MACROD2: variants seen among roughly 807,000 people sequenced by gnomAD.
The protein encoded by MACROD2 is mono-ADP ribosylhydrolase 2, also known as ADP-ribose glycohydrolase MACROD2.
MACROD2 carries 36 observed loss-of-function variants against 70.4 expected under a neutral mutation model. The observed-to-expected ratio is 0.51, with a 90% confidence interval of 0.39 to 0.68. The LOEUF (loss-of-function observed/expected upper bound fraction) is 0.68. Ranked by LOEUF, MACROD2 falls within the 30% of genes least tolerant of loss-of-function variation. The pLI is 0.00. For missense variants in MACROD2, 496 were observed against 538.4 expected (o/e 0.92, Z 0.78); for synonymous variants, 172 against 178.8 (o/e 0.96, Z 0.30).
At chr20:15,259,819 G>T (rs2077232633) in intron 6 of MACROD2, among the ~76,000 whole-genome samples, 1 of 151,554 alleles carries the variant, frequency 6.6e-6, no homozygotes, top group African/African-American at 2.4e-5. Flanking sequence ...GATATGAAAT[G>T]AAATCTGGGA....
At chr20:15,637,837 A>G (rs2049394711) in intron 8 of MACROD2, among the ~76,000 whole-genome samples, 1 of 152,162 alleles carries the variant, frequency 6.6e-6, no homozygotes, top group Non-Finnish European at 1.5e-5. Context: ...CTCATTCATT[A>G]TTTTTAAGCC....
At chr20:15,826,139 A>G (rs1438617564) in intron 8 of MACROD2, among the ~76,000 whole-genome samples, 1 of 152,230 alleles carries the variant, frequency 6.6e-6, no homozygotes, top group African/African-American at 2.4e-5. Context: ...GAAGTTTTGC[A>G]CAGATATTTG....
intron 8 of MACROD2, among the ~76,000 whole-genome samples, chr20:15,719,026 A>AT (rs1006255816): frequency 6.6e-6 from 1 of 152,018 alleles, no homozygotes; most frequent in African/African-American, 2.4e-5. Context: ...AACTGGCCTG[A>AT]TTTTTTTTCA....
intron 4 of MACROD2, among the ~76,000 whole-genome samples, chr20:14,520,488 T>C (rs1440530463): frequency 7.8e-6 from 1 of 128,446 alleles, no homozygotes; most frequent in Non-Finnish European, 1.6e-5. Flanking sequence ...TTTTTTTTGT[T>C]ATTATTTTTT....
intron 3 of MACROD2, among the ~76,000 whole-genome samples, chr20:14,215,124 A>ATATTCCATCATATATG (rs1569209609): frequency 2.7e-4 from 39 of 144,296 alleles, no homozygotes; most frequent in African/African-American, 9.0e-4. Context: ...TCATATATAT[A>ATATTCCATCATATATG]TTCCATCATA....
intron 5 of MACROD2, among the ~76,000 whole-genome samples, chr20:14,862,180 A>AATATATATAT (rs2073342806): frequency 7.5e-5 from 1 of 13,278 alleles, no homozygotes; most frequent in African/African-American, 3.4e-4. Flanking sequence ...AATATATATA[A>AATATATATAT]ATATATATTT....
chr20:14,349,166 T>C (rs390030), intron 3 of MACROD2, among the ~76,000 whole-genome samples: 1,854 of 150,522 alleles, frequency 0.012, 38 homozygotes, highest in African/African-American at 0.043. Flanking sequence ...CTTTCAAATA[T>C]TTACAACTTG....
chr20:14,834,293 A>G (rs1344679176), intron 5 of MACROD2, among the ~76,000 whole-genome samples: 1 of 151,964 alleles, frequency 6.6e-6, no homozygotes, highest in African/African-American at 2.4e-5. Flanking sequence ...CTTCAGAGGA[A>G]ACACTAGAAA....
At chr20:15,395,248 C>A (rs1197106303) in intron 6 of MACROD2, among the ~76,000 whole-genome samples, 1 of 152,194 alleles carries the variant, frequency 6.6e-6, no homozygotes, top group African/African-American at 2.4e-5. Flanking sequence ...ATAAGCAGAA[C>A]ACTGGAAGTA....
At chr20:14,485,575 C>A (rs1274669403) in intron 3 of MACROD2, among the ~76,000 whole-genome samples, 1 of 152,026 alleles carries the variant, frequency 6.6e-6, no homozygotes, top group East Asian at 1.9e-4. Flanking sequence ...GTGGCAGGCA[C>A]CTGTAGTCCC....
chr20:15,529,450 TTAAC>T (rs1178649346), intron 8 of MACROD2, among the ~76,000 whole-genome samples: 13 of 152,300 alleles, frequency 8.5e-5, no homozygotes, highest in African/African-American at 2.6e-4. Flanking sequence ...TAGATATTCT[TTAAC>T]TATTTGTTAA....
At chr20:14,952,674 A>G (rs565407915) in intron 5 of MACROD2, among the ~76,000 whole-genome samples, 1 of 152,206 alleles carries the variant, frequency 6.6e-6, no homozygotes, top group East Asian at 1.9e-4. Flanking sequence ...TGATATTTCT[A>G]TCATCATATA....
chr20:15,265,025 T>C (rs2077280770), intron 6 of MACROD2, among the ~76,000 whole-genome samples: 1 of 152,202 alleles, frequency 6.6e-6, no homozygotes, highest in Admixed American at 6.5e-5. Context: ...ATATCACAAA[T>C]GAAAATCATT....
At chr20:14,149,075 C>G (rs1469379416) in intron 3 of MACROD2, among the ~76,000 whole-genome samples, 1 of 152,002 alleles carries the variant, frequency 6.6e-6, no homozygotes, top group African/African-American at 2.4e-5. Context: ...ATTCTGTCAA[C>G]AAGTATGGAG....
At chr20:14,982,687 G>A (rs2074812075) in intron 5 of MACROD2, among the ~76,000 whole-genome samples, 1 of 152,200 alleles carries the variant, frequency 6.6e-6, no homozygotes, top group Admixed American at 6.5e-5. Flanking sequence ...GTCAAGAACT[G>A]AGGTTTGGGA....
chr20:14,710,462 A>G (rs1233331498), intron 5 of MACROD2, among the ~76,000 whole-genome samples: 3 of 152,204 alleles, frequency 2.0e-5, no homozygotes, highest in East Asian at 1.9e-4. Flanking sequence ...TTACAGTTTC[A>G]TCTTGCATAC....
chr20:14,149,606 T>G (rs1003770747), intron 3 of MACROD2, among the ~76,000 whole-genome samples: 1 of 152,204 alleles, frequency 6.6e-6, no homozygotes, highest in South Asian at 2.1e-4. Context: ...TCATTAACAG[T>G]GTATAAGTGT....
chr20:14,187,487 C>G (rs1274510890), intron 3 of MACROD2, among the ~76,000 whole-genome samples: 1 of 152,132 alleles, frequency 6.6e-6, no homozygotes, highest in East Asian at 1.9e-4. Flanking sequence ...CTGTTACAGT[C>G]TTCTAGGTGT....
intron 8 of MACROD2, among the ~76,000 whole-genome samples, chr20:15,847,657 T>A (rs2064248475): frequency 6.6e-6 from 1 of 152,176 alleles, no homozygotes; most frequent in Non-Finnish European, 1.5e-5. Flanking sequence ...ATTAGTATAA[T>A]GGGTGGGACA....
Sources: allele counts gnomAD v4.1 joint callset (sites outside exome capture counted in the v4.1 genomes callset), GRCh38; gene constraint gnomAD v4.1.1; transcripts MANE v1.5; gene names NCBI Gene and HGNC (gene_info 2026-07-23, HGNC 2026-07-21).